Variants in SH3PXD2B observed in about 807,000 individuals in gnomAD.
The protein encoded by SH3PXD2B is SH3 and PX domains 2B.
SH3PXD2B carries 37 observed loss-of-function variants against 73.1 expected under a neutral mutation model. The ratio of observed to expected loss-of-function variants is 0.51; its 90% confidence interval spans 0.39 to 0.67. SH3PXD2B has a LOEUF of 0.67. Ranked by LOEUF, SH3PXD2B falls within the 30% of genes least tolerant of loss-of-function variation. The pLI is 0.00. For synonymous variants in SH3PXD2B, 457 were observed against 480.5 expected (o/e 0.95, Z 0.64); for missense variants, 1,053 against 1,197.8 (o/e 0.88, Z 1.78).
At chr5:172,428,641 C>T (rs1237413513) in intron 1 of SH3PXD2B, among the ~76,000 whole-genome samples, 3 of 152,188 alleles carry the variant, frequency 2.0e-5, no homozygotes, top group Non-Finnish European at 4.4e-5. Flanking sequence ...ACCAGGTTAC[C>T]AAACCTAGCC....
In SH3PXD2B at chr5:172,339,347, T is replaced by C; in HGVS notation, c.1758A>G (p.Arg586=). ...CCATGTCATTTTTCAGCTGGAACAGTCTGCTTTTGTCAGGTTTGGGCTCTG... is the reference window on the plus strand; with the variant it reads ...CCATGTCATTTTTCAGCTGGAACAGCCTGCTTTTGTCAGGTTTGGGCTCTG... The part of the protein sequence containing the change: ...RRPEPKPDKS[R]LFQLKNDMGL... The change falls in exon 13 of 13, where the codon AGA becomes AGG. Residue 586 remains arginine, a synonymous_variant. Transcript: ENST00000311601. The surrounding 1 kb of genome is among the most constrained non-coding windows in gnomAD (Gnocchi z 6.1). 1 of 1,614,166 alleles carries C rather than the reference T, an allele frequency of 6.2e-7. No homozygotes were observed. The highest frequency in any genetic ancestry group is 8.5e-7 in the Non-Finnish European group (1 of 1,180,024).
chr5:172,412,926 A>C (rs182822732), intron 2 of SH3PXD2B, among the ~76,000 whole-genome samples: 4 of 152,368 alleles, frequency 2.6e-5, no homozygotes, highest in Admixed American at 2.6e-4. Context: ...TCAAGTTGCC[A>C]CATCACAGGC....
chr5:172,340,838 G>T (rs1377588017), intron 12 of SH3PXD2B, among the ~76,000 whole-genome samples: 1 of 152,158 alleles, frequency 6.6e-6, no homozygotes, highest in Non-Finnish European at 1.5e-5. Flanking sequence ...CTAGCGATCT[G>T]CCTGCCTCGG....
In SH3PXD2B at chr5:172,350,514, T is replaced by C; in HGVS notation, c.861A>G (p.Pro287=). 1 of 1,614,076 alleles carries C rather than the reference T, an allele frequency of 6.2e-7. No homozygotes were observed. The highest frequency in any genetic ancestry group is 1.1e-5 in the South Asian group (1 of 91,068). ...KNSGEPLPPK[P]GPGSPSHPGA... is the part of the protein sequence containing the mutation. ...CCGGGTGGGAGGGTGAGCCAGGGCC[T>C]GGCTTCGGGGGCAAGGGCTCCCCAC... Residue 287 remains proline (P), a synonymous_variant, in exon 10 of 13, where the codon CCA becomes CCG. Transcript: ENST00000311601.
intron 1 of SH3PXD2B, among the ~76,000 whole-genome samples, chr5:172,450,739 C>G (rs75115008): frequency 0.037 from 5,614 of 151,866 alleles, 352 homozygotes; most frequent in African/African-American, 0.13. Flanking sequence ...CCCACAAATC[C>G]TACCTGGAGC....
chr5:172,418,225 T>C (rs150782360), intron 2 of SH3PXD2B, among the ~76,000 whole-genome samples: 1 of 152,334 alleles, frequency 6.6e-6, no homozygotes, highest in South Asian at 2.1e-4. Flanking sequence ...TAAGCTTGTC[T>C]GAAGGACTGA....
intron 1 of SH3PXD2B, among the ~76,000 whole-genome samples, chr5:172,442,013 C>T (rs571395334): frequency 6.6e-5 from 10 of 152,262 alleles, no homozygotes; most frequent in Admixed American, 5.2e-4. Flanking sequence ...CCTACACTGT[C>T]CTCTCTCCTG....
chr5:172,403,770 T>C (rs189599402), intron 3 of SH3PXD2B, among the ~76,000 whole-genome samples: 207 of 152,364 alleles, frequency 1.4e-3, no homozygotes, highest in Middle Eastern at 3.4e-3. Context: ...ACCTTGAATA[T>C]CCAGAATGGT....
intron 12 of SH3PXD2B, among the ~76,000 whole-genome samples, chr5:172,344,090 TATC>T (rs56962923): frequency 1.8e-4 from 28 of 151,608 alleles, no homozygotes; most frequent in South Asian, 1.2e-3. Flanking sequence ...GAGGTGCCTA[TATC>T]ATCATCATCA....
chr5:172,392,081 A>G (rs1758203604), intron 4 of SH3PXD2B, among the ~76,000 whole-genome samples: 1 of 149,596 alleles, frequency 6.7e-6, no homozygotes, highest in African/African-American at 2.5e-5. Context: ...GTTGTGGGTT[A>G]TAGTGTTTTG....
rs193158815 is a variant in SH3PXD2B at position 172,398,063 on chromosome 5, A to G, written c.233-3424T>C. 1.5e-4 allele frequency among the ~76,000 whole-genome samples: 23 copies of G among 152,364 alleles called. No individual in the cohort carries two copies. The East Asian group carries it at 4.2e-3, about 28-fold the overall frequency. The stretch of plus-strand genomic sequence containing the variant: ...GCTTTAACTCACTTGGTTTCTGAAC[A>G]GTTACAACTTGGAAATGTGGAACCT... On this transcript the variant is annotated intron_variant, in intron 3 of 12. Coordinates refer to ENST00000311601, the MANE Select transcript of SH3PXD2B (RefSeq NM_001017995.3).
intron 1 of SH3PXD2B, among the ~76,000 whole-genome samples, chr5:172,426,268 G>A (rs1216640371): frequency 2.6e-5 from 4 of 152,190 alleles, no homozygotes; most frequent in Non-Finnish European, 5.9e-5. Flanking sequence ...CCCTAGCGTA[G>A]GGCTTTGTCC....
At chr5:172,371,091 G>GT (rs762909172) in intron 6 of SH3PXD2B, among the ~76,000 whole-genome samples, 16 of 152,252 alleles carry the variant, frequency 1.1e-4, no homozygotes, top group Non-Finnish European at 1.8e-4. Context: ...CTCTCAAGAG[G>GT]TACAGTGCCT....
At chr5:172,380,088 C>T (rs757806155) in intron 5 of SH3PXD2B, among the ~76,000 whole-genome samples, 1 of 152,052 alleles carries the variant, frequency 6.6e-6, no homozygotes, top group Non-Finnish European at 1.5e-5. Context: ...ACAGAGGCTC[C>T]CTCTGTCACC....
At position 172,336,445 on chromosome 5, in the gene SH3PXD2B, A is replaced by G. The variant is rs1226976895; in HGVS notation, c.*1924T>C. 2.0e-6 allele frequency: 2 copies of G among 985,854 alleles called. No homozygotes were observed. Among genetic ancestry groups the G allele is most frequent in the Non-Finnish European group, 2.4e-6 (2 of 830,030 alleles). 61.1% of individuals were successfully genotyped at this position (985,854 alleles called of 1,614,324 possible). ...TGCCCAAGCCTCTCTGGGAAATGGGATTTGCAGGCCGACTGGACGAAGGCA... is the reference window on the plus strand; with the variant it reads ...TGCCCAAGCCTCTCTGGGAAATGGGGTTTGCAGGCCGACTGGACGAAGGCA... On this transcript the variant is annotated 3_prime_UTR_variant, in exon 13 of 13. Coordinates refer to ENST00000311601, the MANE Select transcript of SH3PXD2B (RefSeq NM_001017995.3).
At chr5:172,450,035 G>T (rs1314888839) in intron 1 of SH3PXD2B, among the ~76,000 whole-genome samples, 1 of 152,188 alleles carries the variant, frequency 6.6e-6, no homozygotes, top group Non-Finnish European at 1.5e-5. Context: ...AACATTAAAA[G>T]GTCCATGGGC....
In SH3PXD2B at chr5:172,350,387, C is replaced by T. The variant is rs1757131843; in HGVS notation, c.988G>A (p.Val330Met). The T allele has an allele frequency of 2.5e-6, 4 of 1,613,700 alleles. No homozygotes were observed. The highest frequency in any genetic ancestry group is 2.2e-5 in the East Asian group (1 of 44,876). Residue 330 changes from valine (V) to methionine (M), a missense_variant, in exon 10 of 13, where the codon GTG becomes ATG. Physicochemically the swap from Val to Met is conservative, Grantham distance 21. Around this residue, in one of 2 missense-constraint regions of SH3PXD2B, gnomAD observed 466 missense variants for 607.1 expected, o/e 0.77. Transcript: ENST00000311601. ...CTCTGCTTGGCGTCACCGTCGGGCA[C>T]CGGGCGGCCTTCAAACCGCCCGTCC... ...QRDGRFEGRP[V>M]PDGDAKQRSP...
intron 12 of SH3PXD2B, among the ~76,000 whole-genome samples, chr5:172,325,629 C>T (rs1398479143): frequency 6.6e-6 from 1 of 152,160 alleles, no homozygotes; most frequent in South Asian, 2.1e-4. Context: ...GGGGGATGAT[C>T]GCTGTGTCCT....
intron 5 of SH3PXD2B, among the ~76,000 whole-genome samples, chr5:172,381,627 A>T (rs1757948560): frequency 6.6e-6 from 1 of 152,136 alleles, no homozygotes. Context: ...CCCGTTGCTC[A>T]CCGGCAGTGG....
Sources: allele counts gnomAD v4.1 joint callset (sites outside exome capture counted in the v4.1 genomes callset), GRCh38; gene constraint gnomAD v4.1.1; regional missense constraint gnomAD v4.1.1; non-coding constraint Gnocchi (gnomAD v3.1); transcripts MANE v1.5; gene names NCBI Gene and HGNC (gene_info 2026-07-23, HGNC 2026-07-21).